Variants in FAM13A observed in about 807,000 individuals in gnomAD.
FAM13A encodes the protein protein FAM13A.
Under a neutral mutation model 129.6 loss-of-function variants are expected in FAM13A, and 76 were observed. That is an observed-to-expected ratio of 0.59 (90% CI 0.49 to 0.71). FAM13A has a LOEUF of 0.71. FAM13A is among the 30% of genes least tolerant of loss of function. FAM13A has a pLI of 0.00. For synonymous variants in FAM13A, 443 were observed against 449.9 expected, an observed-to-expected ratio of 0.98 and a Z score of 0.20; for missense variants, 1,108 against 1,249.3, an observed-to-expected ratio of 0.89 and a Z score of 1.70.
intron 7 of FAM13A, among the ~76,000 whole-genome samples, chr4:88,825,484 T>A (rs568934876): frequency 1.3e-4 from 20 of 152,312 alleles, no homozygotes; most frequent in African/African-American, 4.8e-4. Flanking sequence ...CCCAAAGTGC[T>A]GAGATTACAG....
At chr4:88,858,102 C>T (rs1381701873) in intron 6 of FAM13A, among the ~76,000 whole-genome samples, 1 of 152,206 alleles carries the variant, frequency 6.6e-6, no homozygotes, top group Non-Finnish European at 1.5e-5. Context: ...ATTATTAATG[C>T]ATGACTATGA....
At chr4:89,056,383 C>T (rs17014988) in intron 1 of FAM13A, among the ~76,000 whole-genome samples, 51,480 of 151,986 alleles carry the variant, frequency 0.34, 9,222 homozygotes, top group Middle Eastern at 0.47. Flanking sequence ...ATTAATGCTA[C>T]TGTGTTATAA....
intron 11 of FAM13A, among the ~76,000 whole-genome samples, chr4:88,770,235 A>G (rs913608666): frequency 1.3e-5 from 2 of 152,250 alleles, no homozygotes; most frequent in African/African-American, 4.8e-5. Context: ...CATTAAATCA[A>G]GAATAATTGC....
intron 5 of FAM13A, among the ~76,000 whole-genome samples, chr4:88,912,405 A>G (rs1282574138): frequency 2.0e-5 from 3 of 152,134 alleles, no homozygotes; most frequent in Admixed American, 2.0e-4. Flanking sequence ...GACTTGCACC[A>G]TCAGCTTCCC....
chr4:88,958,027 G>T, intron 4 of FAM13A, among the ~76,000 whole-genome samples: 1 of 152,090 alleles, frequency 6.6e-6, no homozygotes, highest in East Asian at 1.9e-4. Context: ...GGGAAGCAGA[G>T]CATAAAGTTT....
chr4:88,727,217 G>A lies in FAM13A; in HGVS notation c.*1316C>T, dbSNP rs374420401. On this transcript the variant is annotated 3_prime_UTR_variant, in exon 24 of 24. Coordinates refer to ENST00000264344, the MANE Select transcript of FAM13A (RefSeq NM_014883.4). The stretch of plus-strand genomic sequence containing the variant: ...GGCAGGCGAGCAGATGCCTGGGCTC[G>A]GCCTCGCAAAGCACAAAGGTGGACA... 2 of 152,730 alleles carry A rather than the reference G, an allele frequency of 1.3e-5. No homozygotes were observed. Among genetic ancestry groups the A allele is most frequent in the South Asian group, 2.1e-4 (1 of 4,828 alleles). The allele number at this position is 152,730 out of a possible 1,614,324, so 9.5% of individuals were successfully genotyped here.
At chr4:89,047,659 T>C (rs1003322108) in intron 1 of FAM13A, among the ~76,000 whole-genome samples, 1 of 152,118 alleles carries the variant, frequency 6.6e-6, no homozygotes, top group African/African-American at 2.4e-5. Context: ...CTAGGCTGGG[T>C]TGGCACAGTA....
At chr4:88,747,137 T>A in intron 18 of FAM13A, 122 bp from the exon 19 acceptor site, 1 of 670,996 alleles carries the variant, frequency 1.5e-6, no homozygotes, top group East Asian at 2.7e-5. Context: ...TCTCCCTAGC[T>A]CTATCCAAAG....
chr4:88,942,655 A>C (rs1384427742), intron 4 of FAM13A, among the ~76,000 whole-genome samples: 1 of 136,864 alleles, frequency 7.3e-6, no homozygotes, highest in Non-Finnish European at 1.7e-5. Flanking sequence ...AGGCTAATAA[A>C]AAGCTAACAA....
At chr4:88,917,129 A>G (rs1426045138) in intron 5 of FAM13A, among the ~76,000 whole-genome samples, 1 of 152,182 alleles carries the variant, frequency 6.6e-6, no homozygotes, top group Non-Finnish European at 1.5e-5. Context: ...GTGTTGCTAT[A>G]AAGGAATACC....
chr4:88,758,544 TTTTC>T (rs1433609999), intron 14 of FAM13A, among the ~76,000 whole-genome samples: 1 of 151,906 alleles, frequency 6.6e-6, no homozygotes, highest in Non-Finnish European at 1.5e-5. Context: ...GGCAAGCATG[TTTTC>T]TTTCTTAGAT....
At chr4:88,843,997 TTA>T (rs1736253339) in intron 7 of FAM13A, among the ~76,000 whole-genome samples, 1 of 152,132 alleles carries the variant, frequency 6.6e-6, no homozygotes, top group Admixed American at 6.5e-5. Context: ...TTATACTATT[TTA>T]GAGTCAGACT....
intron 5 of FAM13A, among the ~76,000 whole-genome samples, chr4:88,931,306 C>T (rs1752995760): frequency 6.6e-6 from 1 of 152,036 alleles, no homozygotes; most frequent in South Asian, 2.1e-4. Flanking sequence ...GTGTGGGTTC[C>T]CTTTCTGGAG....
At chr4:88,899,145 T>A (rs913262887) in intron 6 of FAM13A, among the ~76,000 whole-genome samples, 22 of 151,858 alleles carry the variant, frequency 1.4e-4, no homozygotes, top group African/African-American at 4.6e-4. Flanking sequence ...CGTATATATA[T>A]GATGAAATAC....
chr4:88,779,810 C>T (rs1722511746), intron 11 of FAM13A, among the ~76,000 whole-genome samples: 1 of 152,264 alleles, frequency 6.6e-6, no homozygotes, highest in Middle Eastern at 3.4e-3. Flanking sequence ...ACTGAAGACA[C>T]TATTCCTGGT....
chr4:88,792,503 C>T (rs924728259), intron 8 of FAM13A, among the ~76,000 whole-genome samples: 3 of 152,092 alleles, frequency 2.0e-5, no homozygotes, highest in Non-Finnish European at 4.4e-5. Flanking sequence ...AACAATAAAA[C>T]CCTTTCTGCT....
chr4:88,747,055 ATGTG>A, intron 18 of FAM13A, 40 bp from the exon 19 acceptor site: 2 of 1,361,944 alleles, frequency 1.5e-6, no homozygotes, highest in Non-Finnish European at 2.1e-6. Flanking sequence ...AGAGAGGAAA[ATGTG>A]TGTGAACATT....
intron 4 of FAM13A, among the ~76,000 whole-genome samples, chr4:88,964,302 C>T (rs914160855): frequency 7.9e-5 from 12 of 152,060 alleles, no homozygotes; most frequent in African/African-American, 2.9e-4. Context: ...ATAGCCTCTC[C>T]CCTAAAGGAG....
At chr4:89,013,526 C>T (rs1051349416) in intron 3 of FAM13A, among the ~76,000 whole-genome samples, 1 of 152,094 alleles carries the variant, frequency 6.6e-6, no homozygotes, top group Non-Finnish European at 1.5e-5. Context: ...ATGTTTTGGT[C>T]ACTGAGGGAC....
Sources: allele counts gnomAD v4.1 joint callset (sites outside exome capture counted in the v4.1 genomes callset), GRCh38; gene constraint gnomAD v4.1.1; transcripts MANE v1.5; gene names NCBI Gene and HGNC (gene_info 2026-07-23, HGNC 2026-07-21).